DIP2C: variants seen among roughly 807,000 people sequenced by gnomAD.
DIP2C encodes the protein DIP2 acetate--CoA ligase C (putative), also known as disco-interacting protein 2 homolog C.
In DIP2C, 33 loss-of-function variants were observed where a neutral mutation model predicts 192.4. The observed-to-expected ratio is 0.17, with a 90% confidence interval of 0.13 to 0.23. The LOEUF (loss-of-function observed/expected upper bound fraction) is 0.23, where lower values mean the gene tolerates loss of function less well. Among genes scored for constraint, DIP2C ranks in the 10% least tolerant of loss-of-function variants. DIP2C has a pLI of 1.00. For synonymous variants in DIP2C, 979 were observed against 864.1 expected, an observed-to-expected ratio of 1.13 and a Z score of -2.33; for missense variants, 1,537 against 2,110.1, an observed-to-expected ratio of 0.73 and a Z score of 5.32.
At chr10:507,332 G>A (rs1317715451) in intron 1 of DIP2C, among the ~76,000 whole-genome samples, 4 of 151,742 alleles carry the variant, frequency 2.6e-5, no homozygotes, top group Admixed American at 2.0e-4. Context: ...AAGCTTTCAA[G>A]GTTAGGGACC....
intron 34 of DIP2C, 127 bp from the exon 35 acceptor site, chr10:283,573 C>T (rs917913518): frequency 8.6e-6 from 10 of 1,159,950 alleles, no homozygotes; most frequent in Admixed American, 4.7e-5. Flanking sequence ...GACTGAATAA[C>T]CAAGATGATG....
At chr10:467,038 T>TA (rs2133409609) in intron 3 of DIP2C, among the ~76,000 whole-genome samples, 1 of 151,544 alleles carries the variant, frequency 6.6e-6, no homozygotes, top group East Asian at 2.0e-4. Flanking sequence ...ACTGGGTATA[T>TA]ACCCAAATGA....
intron 7 of DIP2C, among the ~76,000 whole-genome samples, chr10:414,463 C>T (rs1354683288): frequency 1.3e-5 from 2 of 151,970 alleles, no homozygotes; most frequent in Non-Finnish European, 2.9e-5. Context: ...ATTTTGGACC[C>T]CAAATTGCTT....
chr10:649,860 C>T (rs1308944172), intron 1 of DIP2C: 13 of 525,740 alleles, frequency 2.5e-5, no homozygotes, highest in Non-Finnish European at 4.4e-5. Flanking sequence ...GAGAAGCATG[C>T]CTTATTATCA....
chr10:369,888 C>A (rs1448666149), intron 17 of DIP2C: 1 of 1,368,358 alleles, frequency 7.3e-7, no homozygotes, highest in African/African-American at 1.5e-5. Context: ...CAACGCAGCT[C>A]CTCTCCTGCC....
At chr10:555,812 C>T (rs1848822607) in intron 1 of DIP2C, among the ~76,000 whole-genome samples, 1 of 152,116 alleles carries the variant, frequency 6.6e-6, no homozygotes, top group Non-Finnish European at 1.5e-5. Flanking sequence ...ACTCTCAAGC[C>T]ACACGGCGTC....
chr10:383,310 G>A (rs961014318), intron 16 of DIP2C, among the ~76,000 whole-genome samples: 1 of 152,164 alleles, frequency 6.6e-6, no homozygotes, highest in African/African-American at 2.4e-5. Flanking sequence ...TTGTATATCA[G>A]GCATTAAAGG....
intron 5 of DIP2C, 89 bp from the exon 6 acceptor site, chr10:419,288 C>CACA: frequency 6.4e-7 from 1 of 1,571,872 alleles, no homozygotes. Context: ...GAGACTGAAG[C>CACA]ACAGGTGCTC....
At chr10:394,151 C>T (rs1232463546) in intron 10 of DIP2C, among the ~76,000 whole-genome samples, 2 of 152,226 alleles carry the variant, frequency 1.3e-5, no homozygotes, top group African/African-American at 2.4e-5. Flanking sequence ...GTCAAGAAGA[C>T]AAATCAACCA....
At chr10:688,783 GC>G (rs1181911646) in intron 1 of DIP2C, among the ~76,000 whole-genome samples, 2 of 152,224 alleles carry the variant, frequency 1.3e-5, no homozygotes, top group Non-Finnish European at 2.9e-5. Flanking sequence ...TGGCTGATCT[GC>G]CACAAACCCT....
chr10:475,250 G>A (rs912924013), intron 2 of DIP2C, among the ~76,000 whole-genome samples: 6 of 152,194 alleles, frequency 3.9e-5, no homozygotes, highest in Admixed American at 1.3e-4. Context: ...GCTGTCCGCC[G>A]TGTCTGCATC....
intron 1 of DIP2C, among the ~76,000 whole-genome samples, chr10:608,109 ACACAC>A (rs1199567849): frequency 7.1e-6 from 1 of 141,522 alleles, no homozygotes; most frequent in African/African-American, 2.9e-5. Flanking sequence ...AAAGGAACAC[ACACAC>A]CACACACACA....
At chr10:364,119 T>C (rs1325357688) in intron 20 of DIP2C, among the ~76,000 whole-genome samples, 1 of 152,206 alleles carries the variant, frequency 6.6e-6, no homozygotes, top group African/African-American at 2.4e-5. Flanking sequence ...AGTTTTCTAA[T>C]GCATATTTCT....
chr10:525,950 G>A (rs1366428658), intron 1 of DIP2C, among the ~76,000 whole-genome samples: 1 of 152,184 alleles, frequency 6.6e-6, no homozygotes, highest in Non-Finnish European at 1.5e-5. Context: ...CTGCTGCCCA[G>A]AGGCCCTCAC....
chr10:394,450 A>G (rs1181145998), intron 10 of DIP2C, among the ~76,000 whole-genome samples: 1 of 152,086 alleles, frequency 6.6e-6, no homozygotes, highest in African/African-American at 2.4e-5. Flanking sequence ...TTCAGCCTTC[A>G]GCGAGGAGGG....
At chr10:580,368 A>G (rs1850544903) in intron 1 of DIP2C, among the ~76,000 whole-genome samples, 1 of 152,192 alleles carries the variant, frequency 6.6e-6, no homozygotes, top group Admixed American at 6.5e-5. Context: ...CAGTGTGCAC[A>G]CATGTATATA....
chr10:512,317 G>A (rs1436055620), intron 1 of DIP2C, among the ~76,000 whole-genome samples: 2 of 152,196 alleles, frequency 1.3e-5, no homozygotes, highest in South Asian at 2.1e-4. Flanking sequence ...CCAGCAGTTT[G>A]GGAGGCTGAG....
intron 10 of DIP2C, among the ~76,000 whole-genome samples, chr10:392,151 A>C (rs148458842): frequency 5.9e-5 from 9 of 152,202 alleles, no homozygotes; most frequent in African/African-American, 9.6e-5. Flanking sequence ...TTTAATGTGA[A>C]TCTGAACATC....
chr10:299,098 A>G (rs1207928998), intron 32 of DIP2C, among the ~76,000 whole-genome samples: 1 of 152,240 alleles, frequency 6.6e-6, no homozygotes, highest in African/African-American at 2.4e-5. Context: ...TGTTAATATT[A>G]TGTTCCATCT....
Sources: gnomAD v4.1 joint callset for allele counts (sites outside exome capture counted in the v4.1 genomes callset) on GRCh38, gnomAD v4.1.1 for gene constraint, MANE v1.5 for transcripts, NCBI Gene and HGNC (gene_info 2026-07-23, HGNC 2026-07-21) for gene names.